TMTC2: variants seen among roughly 807,000 people sequenced by gnomAD.
The protein encoded by TMTC2 is protein O-mannosyl-transferase TMTC2.
TMTC2 carries 43 observed loss-of-function variants against 82.4 expected under a neutral mutation model. The observed-to-expected ratio is 0.52, with a 90% CI of 0.41 to 0.67. The LOEUF is 0.67. Among genes scored for constraint, TMTC2 ranks in the 30% least tolerant of loss-of-function variants. The probability of loss-of-function intolerance (pLI) is 0.00; values close to 1 mark genes in which losing one functional copy is unlikely to be tolerated. For missense variants in TMTC2, 919 were observed against 1,012.4 expected, an observed-to-expected ratio of 0.91 and a Z score of 1.25; for synonymous variants, 408 against 381.9, an observed-to-expected ratio of 1.07 and a Z score of -0.80.
At chr12:83,073,508 A>C (rs1321835241) in intron 11 of TMTC2, among the ~76,000 whole-genome samples, 2 of 152,088 alleles carry the variant, frequency 1.3e-5, no homozygotes, top group Non-Finnish European at 2.9e-5. Context: ...TGTTTCTTGT[A>C]TTTGAATGTC....
intron 2 of TMTC2, among the ~76,000 whole-genome samples, chr12:82,894,432 G>T (rs183666761): frequency 6.6e-6 from 1 of 152,188 alleles, no homozygotes; most frequent in Non-Finnish European, 1.5e-5. Context: ...TGTTTTCATA[G>T]AAGTTGTATA....
intron 4 of TMTC2, among the ~76,000 whole-genome samples, chr12:82,949,352 C>A (rs1430805387): frequency 6.6e-6 from 1 of 152,162 alleles, no homozygotes. Flanking sequence ...AATAAAAATT[C>A]TCCCAGAGGA....
At chr12:83,044,926 C>T (rs561933097) in intron 9 of TMTC2, among the ~76,000 whole-genome samples, 148 of 152,242 alleles carry the variant, frequency 9.7e-4, no homozygotes, top group African/African-American at 3.3e-3. Context: ...AGGATTTGAG[C>T]CTATGGCTTA....
At chr12:83,041,540 A>G (rs1225290319) in intron 9 of TMTC2, among the ~76,000 whole-genome samples, 2 of 152,154 alleles carry the variant, frequency 1.3e-5, no homozygotes, top group Non-Finnish European at 2.9e-5. Context: ...TAAAAATATG[A>G]AAAAAATTTT....
chr12:82,803,552 G>A (rs1879108454), intron 1 of TMTC2, among the ~76,000 whole-genome samples: 2 of 152,086 alleles, frequency 1.3e-5, no homozygotes, highest in Admixed American at 1.3e-4. Context: ...CTCAGGAATT[G>A]GATGAGTAGG....
intron 10 of TMTC2, among the ~76,000 whole-genome samples, chr12:83,058,559 A>G (rs528372607): frequency 1.2e-3 from 183 of 151,890 alleles, no homozygotes; most frequent in Non-Finnish European, 1.9e-3. Flanking sequence ...GTTGTTGTCT[A>G]TTGTTGGCAT....
chr12:82,732,543 C>T (rs1874879607), intron 1 of TMTC2, among the ~76,000 whole-genome samples: 1 of 152,106 alleles, frequency 6.6e-6, no homozygotes, highest in Non-Finnish European at 1.5e-5. Context: ...TGGGGTTTCA[C>T]CGTGTTAGCC....
At chr12:82,998,891 A>G (rs1178614908) in intron 8 of TMTC2, among the ~76,000 whole-genome samples, 1 of 152,212 alleles carries the variant, frequency 6.6e-6, no homozygotes, top group Non-Finnish European at 1.5e-5. Flanking sequence ...TAATGCAATT[A>G]ATTTTTAATA....
At chr12:82,821,840 C>T (rs549863772) in intron 1 of TMTC2, among the ~76,000 whole-genome samples, 8 of 149,544 alleles carry the variant, frequency 5.3e-5, no homozygotes, top group East Asian at 4.0e-4. Context: ...GAGCCGAGAT[C>T]GCGCCACTAC....
chr12:82,923,574 T>C (rs1875518211), intron 3 of TMTC2, among the ~76,000 whole-genome samples: 1 of 152,172 alleles, frequency 6.6e-6, no homozygotes, highest in East Asian at 1.9e-4. Context: ...TCCACAGATA[T>C]ATTCTTCTAC....
At chr12:82,933,547 A>G (rs774105764) in intron 4 of TMTC2, among the ~76,000 whole-genome samples, 2 of 152,196 alleles carry the variant, frequency 1.3e-5, no homozygotes, top group African/African-American at 2.4e-5. Context: ...TCTTTCTAGG[A>G]CACATAACGT....
At chr12:82,913,100 C>A (rs1445634656) in intron 3 of TMTC2, among the ~76,000 whole-genome samples, 1 of 152,108 alleles carries the variant, frequency 6.6e-6, no homozygotes, top group Admixed American at 6.6e-5. Flanking sequence ...TATCTCTAAT[C>A]ACAGTGATAA....
intron 11 of TMTC2, among the ~76,000 whole-genome samples, chr12:83,093,498 G>C (rs1045661713): frequency 6.6e-6 from 1 of 152,102 alleles, no homozygotes; most frequent in East Asian, 1.9e-4. Context: ...GCAATAAAAG[G>C]CACTAATTCT....
At chr12:83,082,608 A>G (rs894287974) in intron 11 of TMTC2, among the ~76,000 whole-genome samples, 2 of 152,196 alleles carry the variant, frequency 1.3e-5, no homozygotes, top group East Asian at 1.9e-4. Context: ...CTATATCTCA[A>G]AAGTATAAAT....
chr12:83,042,859 A>G lies in TMTC2; in HGVS notation c.2153-8045A>G, dbSNP rs952173561. ...CCTTGCCACCTGTCCAAATCAGGAC[A>G]AATACTTGGTCTCGTGTTCACTTAG... On this transcript the variant is annotated intron_variant, in intron 9 of 11. Coordinates refer to ENST00000321196, the MANE Select transcript of TMTC2 (RefSeq NM_152588.3). Among the ~76,000 whole-genome samples, 6 of 152,196 alleles carry G rather than the reference A, an allele frequency of 3.9e-5. No homozygotes were observed. The South Asian group carries it at 1.2e-3, about 31-fold the overall frequency.
chr12:82,823,371 G>A (rs1869226714), intron 1 of TMTC2, among the ~76,000 whole-genome samples: 1 of 152,030 alleles, frequency 6.6e-6, no homozygotes, highest in Non-Finnish European at 1.5e-5. Context: ...ACACAAAATG[G>A]CCCCAGACTG....
chr12:82,876,640 A>G (rs921942781), intron 2 of TMTC2, among the ~76,000 whole-genome samples: 8 of 152,200 alleles, frequency 5.3e-5, no homozygotes, highest in African/African-American at 1.7e-4. Context: ...ATACATTCTA[A>G]TAAGTATTGT....
intron 8 of TMTC2, among the ~76,000 whole-genome samples, chr12:83,000,202 T>C (rs1187735738): frequency 6.6e-6 from 1 of 152,132 alleles, no homozygotes; most frequent in African/African-American, 2.4e-5. Context: ...TGGCATGATC[T>C]TGGCTCACTG....
At chr12:83,080,451 G>A (rs925855105) in intron 11 of TMTC2, among the ~76,000 whole-genome samples, 2 of 151,788 alleles carry the variant, frequency 1.3e-5, no homozygotes, top group South Asian at 2.1e-4. Context: ...GAATAAACAC[G>A]ATAATGTTGG....
Sources: gnomAD v4.1 joint callset for allele counts (sites outside exome capture counted in the v4.1 genomes callset) on GRCh38, gnomAD v4.1.1 for gene constraint, MANE v1.5 for transcripts, NCBI Gene and HGNC (gene_info 2026-07-23, HGNC 2026-07-21) for gene names.